OSBPL6: variants seen among roughly 807,000 people sequenced by gnomAD.
OSBPL6 encodes the protein oxysterol binding protein like 6.
Under a neutral mutation model 125.8 loss-of-function variants are expected in OSBPL6, and 49 were observed. The observed-to-expected ratio is 0.39, with a 90% CI of 0.31 to 0.49. OSBPL6 has a LOEUF of 0.49. Among genes scored for constraint, OSBPL6 ranks in the 20% least tolerant of loss-of-function variants. OSBPL6 has a pLI of 0.88. For synonymous variants in OSBPL6, 394 were observed against 391.8 expected (o/e 1.01, Z -0.07); for missense variants, 986 against 1,135.4 (o/e 0.87, Z 1.89).
intron 2 of OSBPL6, among the ~76,000 whole-genome samples, chr2:178,297,290 G>T (rs1016966325): frequency 6.6e-6 from 1 of 151,980 alleles, no homozygotes; most frequent in Non-Finnish European, 1.5e-5. Context: ...TTATCTTTAG[G>T]CAAATATAGT....
chr2:178,303,634 C>T (rs1377615460), intron 2 of OSBPL6, among the ~76,000 whole-genome samples: 1 of 152,220 alleles, frequency 6.6e-6, no homozygotes, highest in Non-Finnish European at 1.5e-5. Flanking sequence ...TCCAGACCTA[C>T]ATTTCCAAGA....
At chr2:178,228,190 A>G (rs764631221) in intron 1 of OSBPL6, among the ~76,000 whole-genome samples, 20 of 152,358 alleles carry the variant, frequency 1.3e-4, no homozygotes, top group Non-Finnish European at 2.5e-4. Flanking sequence ...AATAGAAGGT[A>G]TCTCTTCCAC....
At chr2:178,320,865 T>TCC (rs1688177525) in intron 3 of OSBPL6, among the ~76,000 whole-genome samples, 2 of 152,204 alleles carry the variant, frequency 1.3e-5, no homozygotes, top group Non-Finnish European at 2.9e-5. Flanking sequence ...ATGATTTTTA[T>TCC]AATTCCAAGA....
intron 1 of OSBPL6, among the ~76,000 whole-genome samples, chr2:178,255,484 A>G (rs2091855600): frequency 6.6e-6 from 1 of 152,130 alleles, no homozygotes; most frequent in African/African-American, 2.4e-5. Context: ...ACACATGGGG[A>G]TTATGGGAGT....
At chr2:178,359,979 T>TA (rs1692178088) in intron 12 of OSBPL6, among the ~76,000 whole-genome samples, 1 of 151,984 alleles carries the variant, frequency 6.6e-6, no homozygotes, top group African/African-American at 2.4e-5. Context: ...CCCAGCTACT[T>TA]AAGAGGCTGA....
chr2:178,196,863 G>A (rs1306869788), intron 1 of OSBPL6, among the ~76,000 whole-genome samples: 1 of 152,048 alleles, frequency 6.6e-6, no homozygotes, highest in African/African-American at 2.4e-5. Context: ...GGGGAAAAAG[G>A]GTCTCATAGT....
At chr2:178,265,162 A>C in intron 1 of OSBPL6, among the ~76,000 whole-genome samples, 1 of 125,370 alleles carries the variant, frequency 8.0e-6, no homozygotes, top group Admixed American at 9.3e-5. Flanking sequence ...GATTATAGGC[A>C]TAAGTCACTT....
intron 1 of OSBPL6, among the ~76,000 whole-genome samples, chr2:178,236,288 T>G (rs1461436551): frequency 6.6e-6 from 1 of 152,242 alleles, no homozygotes; most frequent in Non-Finnish European, 1.5e-5. Flanking sequence ...TTCAATTAAT[T>G]AGAGTTCAGT....
intron 3 of OSBPL6, among the ~76,000 whole-genome samples, chr2:178,310,157 G>A (rs776803996): frequency 2.8e-4 from 42 of 152,160 alleles, no homozygotes; most frequent in Non-Finnish European, 4.4e-4. Context: ...GATTTCTGAT[G>A]ACAACAGTAG....
At chr2:178,228,261 C>T (rs62177226) in intron 1 of OSBPL6, among the ~76,000 whole-genome samples, 81,604 of 151,596 alleles carry the variant, frequency 0.54, 24,803 homozygotes, top group African/African-American at 0.84. Context: ...CACGGCCGGG[C>T]GCGGTGGCTC....
chr2:178,277,938 C>G (rs1288822162), intron 1 of OSBPL6, among the ~76,000 whole-genome samples: 1 of 152,210 alleles, frequency 6.6e-6, no homozygotes, highest in African/African-American at 2.4e-5. Flanking sequence ...TTACAGCCCA[C>G]ACAGTGAAAT....
intron 3 of OSBPL6, among the ~76,000 whole-genome samples, chr2:178,322,334 C>T (rs535181464): frequency 3.9e-5 from 6 of 152,230 alleles, no homozygotes; most frequent in South Asian, 2.1e-4. Context: ...TAAAGAGAAG[C>T]TCAGATCAGA....
In OSBPL6 at chr2:178,210,823, AACAC is replaced by A. The variant is rs1216449642; in HGVS notation, c.-351+16172_-351+16175del. On this transcript the variant is annotated intron_variant, in intron 1 of 24. Coordinates refer to ENST00000190611, the MANE Select transcript of OSBPL6 (RefSeq NM_032523.4). ...GTGAGACAATGTTTCAAAAAAAAAAAACACACACACACACACACACACACACCCC... is the reference window on the plus strand; with the variant it reads ...GTGAGACAATGTTTCAAAAAAAAAAAACACACACACACACACACACACCCC... 4.6e-4 allele frequency among the ~76,000 whole-genome samples: 67 copies of A among 145,474 alleles called. 1 individual carries two copies. Among genetic ancestry groups the A allele is most frequent in the Middle Eastern group, 3.6e-3 (1 of 274 alleles).
intron 8 of OSBPL6, among the ~76,000 whole-genome samples, chr2:178,334,629 A>G (rs568165019): frequency 2.2e-4 from 34 of 152,128 alleles, no homozygotes; most frequent in African/African-American, 7.5e-4. Flanking sequence ...CCTGAATTCA[A>G]TTGATTCTCC....
At chr2:178,269,281 G>T (rs1211280475) in intron 1 of OSBPL6, among the ~76,000 whole-genome samples, 1 of 152,186 alleles carries the variant, frequency 6.6e-6, no homozygotes, top group Non-Finnish European at 1.5e-5. Context: ...TGCCAACCTG[G>T]AAGGTCCCAC....
chr2:178,213,635 C>T (rs2089966365), intron 1 of OSBPL6, among the ~76,000 whole-genome samples: 1 of 152,192 alleles, frequency 6.6e-6, no homozygotes, highest in Non-Finnish European at 1.5e-5. Flanking sequence ...AAGCACAAGT[C>T]TGATCATGTC....
At chr2:178,381,838 C>T (rs374491643) in intron 15 of OSBPL6, among the ~76,000 whole-genome samples, 7 of 152,316 alleles carry the variant, frequency 4.6e-5, no homozygotes, top group South Asian at 2.1e-4. Context: ...CCTTCACTGT[C>T]GGGCCCTCTT....
chr2:178,265,776 T>C (rs1015575178), intron 1 of OSBPL6, among the ~76,000 whole-genome samples: 1 of 152,184 alleles, frequency 6.6e-6, no homozygotes, highest in Non-Finnish European at 1.5e-5. Context: ...CTCGCTCCCC[T>C]TTCCTCCTCT....
At chr2:178,204,312 C>T (rs2089422689) in intron 1 of OSBPL6, among the ~76,000 whole-genome samples, 1 of 152,220 alleles carries the variant, frequency 6.6e-6, no homozygotes, top group African/African-American at 2.4e-5. Context: ...GTGTGAGCCA[C>T]CCTGCCCGGC....
Sources: allele counts gnomAD v4.1 joint callset (sites outside exome capture counted in the v4.1 genomes callset), GRCh38; gene constraint gnomAD v4.1.1; transcripts MANE v1.5; gene names NCBI Gene and HGNC (gene_info 2026-07-23, HGNC 2026-07-21).